The following ASCC3 variants were observed in gnomAD, a reference collection of about 807,000 sequenced individuals.
The protein encoded by ASCC3 is ASC-1 complex subunit P200.
A neutral mutation model predicts 256.3 loss-of-function variants in ASCC3; 158 were observed. That is an observed-to-expected ratio of 0.62 (90% CI 0.54 to 0.70). The LOEUF (loss-of-function observed/expected upper bound fraction) is 0.70, where lower values mean the gene tolerates loss of function less well. ASCC3 is among the 30% of genes least tolerant of loss of function. The pLI, the probability that ASCC3 is intolerant of heterozygous loss-of-function variation, is 0.00. For synonymous variants in ASCC3, 948 were observed against 883.4 expected (o/e 1.07, Z -1.30); for missense variants, 2,259 against 2,626.0 (o/e 0.86, Z 3.05).
At chr6:100,687,137 GA>G (rs931371025) in intron 13 of ASCC3, among the ~76,000 whole-genome samples, 2 of 149,298 alleles carry the variant, frequency 1.3e-5, no homozygotes, top group Non-Finnish European at 3.0e-5. Context: ...ATCAATTGAA[GA>G]AAAATTTCCA....
intron 4 of ASCC3, among the ~76,000 whole-genome samples, chr6:100,838,322 C>T (rs570682917): frequency 6.6e-6 from 1 of 152,000 alleles, no homozygotes; most frequent in East Asian, 1.9e-4. Flanking sequence ...TCATATGGAT[C>T]TGAATATGGA....
chr6:100,639,597 C>T (rs2114885701), intron 24 of ASCC3, among the ~76,000 whole-genome samples: 1 of 152,198 alleles, frequency 6.6e-6, no homozygotes, highest in East Asian at 1.9e-4. Context: ...AGAAATAATC[C>T]ATAAGGTAAC....
intron 8 of ASCC3, among the ~76,000 whole-genome samples, chr6:100,768,307 GAC>G (rs1277402883): frequency 6.6e-6 from 1 of 151,970 alleles, no homozygotes; most frequent in African/African-American, 2.4e-5. Flanking sequence ...AAGAAACTAA[GAC>G]ACAGAGCGGT....
intron 34 of ASCC3, among the ~76,000 whole-genome samples, chr6:100,598,705 C>A (rs1162439644): frequency 6.6e-6 from 1 of 152,246 alleles, no homozygotes; most frequent in African/African-American, 2.4e-5. Context: ...GCTCATCTCA[C>A]TCTTATGGTT....
intron 13 of ASCC3, among the ~76,000 whole-genome samples, chr6:100,690,475 T>C (rs199644578): frequency 1.3e-5 from 2 of 152,262 alleles, no homozygotes; most frequent in South Asian, 2.1e-4. Flanking sequence ...AATAAAACTA[T>C]AATTTACTAA....
intron 4 of ASCC3, among the ~76,000 whole-genome samples, chr6:100,823,381 G>A (rs927448756): frequency 3.1e-4 from 47 of 152,080 alleles, no homozygotes; most frequent in African/African-American, 3.1e-4. Flanking sequence ...AGTTAGCTGC[G>A]GGTATAGAAA....
At chr6:100,694,086 T>C (rs1777963353) in intron 13 of ASCC3, among the ~76,000 whole-genome samples, 1 of 152,080 alleles carries the variant, frequency 6.6e-6, no homozygotes, top group Admixed American at 6.6e-5. Context: ...TGCTCTTGGA[T>C]AAAAGTTTGA....
At chr6:100,817,916 A>G (rs1770832236) in intron 4 of ASCC3, among the ~76,000 whole-genome samples, 1 of 152,206 alleles carries the variant, frequency 6.6e-6, no homozygotes, top group South Asian at 2.1e-4. Context: ...TTAGGACAGT[A>G]TTACTCTGAC....
In ASCC3 at chr6:100,848,407, T is replaced by A; in HGVS notation, c.542A>T (p.Glu181Val). ...FDMHDLDHFD[E>V]LPINGETQKT... Reference sequence around the variant, plus strand: ...CTGAGTTTCACCATTTATTGGCAGTTCGTCAAAGTGGTCCAAATCATGCAT... The same window carrying A: ...CTGAGTTTCACCATTTATTGGCAGTACGTCAAAGTGGTCCAAATCATGCAT... Residue 181 changes from glutamate to valine, a missense_variant, in exon 4 of 42, where the codon GAA becomes GTA. Glu to Val is a moderately radical substitution (Grantham distance 121). Transcript: ENST00000369162. 8.1e-6 allele frequency: 13 copies of A among 1,613,296 alleles called. No individual in the cohort carries two copies. The highest frequency in any genetic ancestry group is 1.1e-5 in the Non-Finnish European group (13 of 1,179,890).
At chr6:100,819,356 T>C (rs1236960145) in intron 4 of ASCC3, among the ~76,000 whole-genome samples, 1 of 152,144 alleles carries the variant, frequency 6.6e-6, no homozygotes, top group Non-Finnish European at 1.5e-5. Context: ...CATTATGTAT[T>C]AGTCAGGGAT....
intron 3 of ASCC3, among the ~76,000 whole-genome samples, chr6:100,852,688 G>A (rs900445576): frequency 3.3e-5 from 5 of 151,998 alleles, no homozygotes; most frequent in African/African-American, 7.2e-5. Flanking sequence ...ATCAACTGAC[G>A]AAAAGTTTAT....
intron 2 of ASCC3, among the ~76,000 whole-genome samples, chr6:100,864,490 TA>T (rs1414441626): frequency 6.6e-6 from 1 of 152,192 alleles, no homozygotes; most frequent in East Asian, 1.9e-4. Context: ...TACAGCAAAG[TA>T]AAAAGTTCAA....
chr6:100,599,987 C>T (rs1772516470), intron 34 of ASCC3, among the ~76,000 whole-genome samples: 1 of 151,896 alleles, frequency 6.6e-6, no homozygotes, highest in African/African-American at 2.4e-5. Flanking sequence ...GGGAGGGAGG[C>T]TATTCGTTAC....
At chr6:100,589,912 A>G (rs1236734536) in intron 35 of ASCC3, 36 bp downstream of exon 35, 1 of 1,595,016 alleles carries the variant, frequency 6.3e-7, no homozygotes, top group African/African-American at 1.3e-5. Context: ...AAGCTGGGCA[A>G]TCTTTTCAAT....
At chr6:100,769,177 T>G (rs1305328010) in intron 8 of ASCC3, among the ~76,000 whole-genome samples, 2 of 152,038 alleles carry the variant, frequency 1.3e-5, no homozygotes, top group African/African-American at 4.8e-5. Flanking sequence ...GTTCATCTCA[T>G]CGAAGTAGAG....
intron 26 of ASCC3, 28 bp from the exon 27 acceptor site, chr6:100,629,209 G>A: frequency 6.2e-7 from 1 of 1,606,988 alleles, no homozygotes; most frequent in South Asian, 1.1e-5. Context: ...AATGATCCCA[G>A]AAACTTTTCA....
chr6:100,713,567 G>T (rs1258502529), intron 13 of ASCC3, among the ~76,000 whole-genome samples: 5 of 152,248 alleles, frequency 3.3e-5, no homozygotes, highest in Middle Eastern at 3.4e-3. Flanking sequence ...TGGACTTTGA[G>T]TAACATCTGC....
intron 13 of ASCC3, among the ~76,000 whole-genome samples, chr6:100,680,340 CAAG>C (rs1371525149): frequency 6.6e-6 from 1 of 152,068 alleles, no homozygotes; most frequent in Non-Finnish European, 1.5e-5. Flanking sequence ...AATGCTGTGT[CAAG>C]AAGTGGGGAA....
At chr6:100,801,275 T>C (rs1444594078) in intron 5 of ASCC3, among the ~76,000 whole-genome samples, 1 of 152,098 alleles carries the variant, frequency 6.6e-6, no homozygotes, top group Non-Finnish European at 1.5e-5. Flanking sequence ...AGGAATGTAG[T>C]TGAAAGTAAT....
Sources: gnomAD v4.1 joint callset for allele counts (sites outside exome capture counted in the v4.1 genomes callset) on GRCh38, gnomAD v4.1.1 for gene constraint, MANE v1.5 for transcripts, NCBI Gene and HGNC (gene_info 2026-07-23, HGNC 2026-07-21) for gene names.